PPARGC1B: variants seen among roughly 807,000 people sequenced by gnomAD.
PPARGC1B encodes the protein peroxisome proliferator-activated receptor gamma coactivator 1-beta.
PPARGC1B carries 34 observed loss-of-function variants against 101.6 expected under a neutral mutation model. The ratio of observed to expected loss-of-function variants is 0.33; its 90% CI spans 0.25 to 0.45. The LOEUF is 0.45. PPARGC1B is among the 20% of genes least tolerant of loss of function. PPARGC1B has a pLI of 1.00. For missense variants in PPARGC1B, 1,234 were observed against 1,317.6 expected (o/e 0.94, Z 0.98); for synonymous variants, 548 against 539.3 (o/e 1.02, Z -0.22).
intron 1 of PPARGC1B, among the ~76,000 whole-genome samples, chr5:149,793,552 GA>G (rs1262981327): frequency 1.3e-5 from 2 of 152,284 alleles, no homozygotes; most frequent in South Asian, 4.2e-4. Context: ...ATCCAGTGCA[GA>G]ACCCTGAGGC....
At chr5:149,735,410 A>G (rs906516533) in intron 1 of PPARGC1B, among the ~76,000 whole-genome samples, 3 of 152,236 alleles carry the variant, frequency 2.0e-5, no homozygotes, top group African/African-American at 7.2e-5. Context: ...AATAGAAGAA[A>G]GACTGGCTCG....
At chr5:149,753,300 G>C (rs763155276) in intron 1 of PPARGC1B, among the ~76,000 whole-genome samples, 1 of 151,480 alleles carries the variant, frequency 6.6e-6, no homozygotes, top group Admixed American at 6.6e-5. Context: ...TCTGCCTCCC[G>C]GGTTCAAGCG....
intron 1 of PPARGC1B, among the ~76,000 whole-genome samples, chr5:149,749,546 G>T (rs1221567202): frequency 6.6e-6 from 1 of 152,116 alleles, no homozygotes; most frequent in African/African-American, 2.4e-5. Flanking sequence ...GCCACATCTC[G>T]CCATTGTATG....
intron 1 of PPARGC1B, among the ~76,000 whole-genome samples, chr5:149,749,044 T>C (rs1369913215): frequency 2.0e-5 from 1 of 49,194 alleles, no homozygotes; most frequent in Non-Finnish European, 3.8e-5. Context: ...CAGGGATTTG[T>C]GTTAAGGATT....
intron 1 of PPARGC1B, among the ~76,000 whole-genome samples, chr5:149,733,254 T>C (rs764331530): frequency 7.9e-5 from 12 of 152,190 alleles, no homozygotes; most frequent in South Asian, 2.1e-4. Context: ...CTTTTACCCA[T>C]TGGGGCCAAA....
intron 1 of PPARGC1B, among the ~76,000 whole-genome samples, chr5:149,765,209 G>C (rs1755864690): frequency 6.6e-6 from 1 of 152,266 alleles, no homozygotes; most frequent in Non-Finnish European, 1.5e-5. Flanking sequence ...AGGCAGGGGA[G>C]GGAATATGCC....
intron 1 of PPARGC1B, among the ~76,000 whole-genome samples, chr5:149,801,933 A>G (rs1413864775): frequency 1.3e-5 from 2 of 152,228 alleles, no homozygotes; most frequent in Non-Finnish European, 2.9e-5. Flanking sequence ...ACTAGACACT[A>G]TGTGAAGCCC....
At chr5:149,816,183 G>C (rs2113341896) in intron 1 of PPARGC1B, among the ~76,000 whole-genome samples, 1 of 152,358 alleles carries the variant, frequency 6.6e-6, no homozygotes. Context: ...TTTTTAGCTA[G>C]AGAGTGGTCT....
chr5:149,839,341 T>C (rs1273018765), intron 8 of PPARGC1B, among the ~76,000 whole-genome samples: 2 of 152,218 alleles, frequency 1.3e-5, no homozygotes, highest in East Asian at 3.9e-4. Flanking sequence ...TCAAGCTGTC[T>C]GACTCACAAG....
At chr5:149,765,694 TAA>T (rs935821138) in intron 1 of PPARGC1B, among the ~76,000 whole-genome samples, 2 of 151,438 alleles carry the variant, frequency 1.3e-5, no homozygotes, top group Non-Finnish European at 2.9e-5. Context: ...CCGTGTGTAC[TAA>T]AAAAAATACA....
intron 7 of PPARGC1B, among the ~76,000 whole-genome samples, chr5:149,835,673 G>A (rs1759029980): frequency 6.6e-6 from 1 of 152,222 alleles, no homozygotes; most frequent in South Asian, 2.1e-4. Flanking sequence ...AACACCAGAG[G>A]CATATGAGAG....
chr5:149,835,420 C>T, intron 7 of PPARGC1B, 55 bp downstream of exon 7: 2 of 1,508,426 alleles, frequency 1.3e-6, no homozygotes, highest in Non-Finnish European at 1.8e-6. Flanking sequence ...CCGTGCATCT[C>T]TGAGTTTTTC....
chr5:149,802,017 C>A (rs1346360183), intron 1 of PPARGC1B, among the ~76,000 whole-genome samples: 2 of 152,198 alleles, frequency 1.3e-5, no homozygotes, highest in African/African-American at 4.8e-5. Context: ...GAAGTTAAAT[C>A]ATTTGGCCAA....
chr5:149,822,071 C>T (rs1032162502), intron 2 of PPARGC1B, among the ~76,000 whole-genome samples: 2 of 152,188 alleles, frequency 1.3e-5, no homozygotes, highest in African/African-American at 2.4e-5. Context: ...TGGCTCCAAC[C>T]GGAGACCTCC....
chr5:149,855,610 G>A (rs1259890098), downstream of PPARGC1B, among the ~76,000 whole-genome samples: 1 of 152,202 alleles, frequency 6.6e-6, no homozygotes, highest in Non-Finnish European at 1.5e-5. Context: ...AATGAGCTCA[G>A]AACATTTTCC....
intron 1 of PPARGC1B, among the ~76,000 whole-genome samples, chr5:149,744,314 G>C (rs1390766531): frequency 1.3e-5 from 2 of 152,190 alleles, no homozygotes; most frequent in Non-Finnish European, 2.9e-5. Context: ...CAGCACATTG[G>C]TTCTGTTAGT....
intron 1 of PPARGC1B, among the ~76,000 whole-genome samples, chr5:149,814,699 C>A (rs1420305819): frequency 6.6e-6 from 1 of 152,272 alleles, no homozygotes; most frequent in Non-Finnish European, 1.5e-5. Flanking sequence ...AAGATGCATT[C>A]TTTCTTAAGC....
At position 149,832,666 on chromosome 5, in the gene PPARGC1B, C is replaced by G. The variant is rs1306126851; in HGVS notation, c.593C>G (p.Thr198Ser). The part of the protein sequence containing the change: ...SQRPCVKADS[T>S]QDKKAPMMQS... ...TCTCTCCCTCTCTAGGCGGACAGCA[C>G]CCAAGACAAGAAGGCTCCCATGATG... is the stretch of plus-strand genomic sequence containing the variant. The change falls in exon 5 of 12, where the codon ACC (threonine) becomes AGC (serine). Residue 198 changes from threonine to serine, a missense_variant. Thr to Ser is a moderately conservative substitution (Grantham distance 58). This residue lies in a region of PPARGC1B where 734 missense variants were observed against 768.4 expected (regional missense o/e 0.96). Transcript: ENST00000309241. This position sits in a 1 kb window ranked among gnomAD's most constrained non-coding sequence, Gnocchi z 4.9. 1 of 1,542,016 alleles carries G rather than the reference C, an allele frequency of 6.5e-7. No homozygotes were observed. Among genetic ancestry groups the G allele is most frequent in the Non-Finnish European group, 8.8e-7 (1 of 1,141,246 alleles).
chr5:149,759,739 AGCAGCAGCATGGGGCAGCT>A (rs1755655302), intron 1 of PPARGC1B, among the ~76,000 whole-genome samples: 1 of 152,238 alleles, frequency 6.6e-6, no homozygotes, highest in East Asian at 1.9e-4. Flanking sequence ...GCATGCTGCC[AGCAGCAGCATGGGGCAGCT>A]GCAAGGCTGC....
Sources: gnomAD v4.1 joint callset for allele counts (sites outside exome capture counted in the v4.1 genomes callset) on GRCh38, gnomAD v4.1.1 for gene constraint, gnomAD v4.1.1 regional missense constraint, Gnocchi (gnomAD v3.1) non-coding constraint, MANE v1.5 for transcripts, NCBI Gene and HGNC (gene_info 2026-07-23, HGNC 2026-07-21) for gene names.